KCNH7: variants seen among roughly 807,000 people sequenced by gnomAD.
KCNH7 encodes the protein voltage-gated inwardly rectifying potassium channel KCNH7.
KCNH7 carries 49 observed loss-of-function variants against 120.8 expected under a neutral mutation model. The observed-to-expected ratio is 0.41, with a 90% CI of 0.32 to 0.51. KCNH7 has a LOEUF of 0.51. KCNH7 is among the 20% of genes least tolerant of loss of function. KCNH7 has a pLI of 0.38. For missense variants in KCNH7, 1,097 were observed against 1,446.6 expected (o/e 0.76, Z 3.92); for synonymous variants, 547 against 516.1 (o/e 1.06, Z -0.81).
chr2:162,761,153 T>C (rs1688954316), intron 2 of KCNH7, among the ~76,000 whole-genome samples: 1 of 152,038 alleles, frequency 6.6e-6, no homozygotes, highest in Non-Finnish European at 1.5e-5. Context: ...CATCTACATT[T>C]CCCCCTACAT....
intron 6 of KCNH7, among the ~76,000 whole-genome samples, chr2:162,459,881 G>A (rs542769178): frequency 6.6e-6 from 1 of 151,938 alleles, no homozygotes; most frequent in Non-Finnish European, 1.5e-5. Context: ...AGATGACGAG[G>A]TCAAGAGATT....
At chr2:162,810,341 A>G (rs1320392598) in intron 2 of KCNH7, among the ~76,000 whole-genome samples, 1 of 152,202 alleles carries the variant, frequency 6.6e-6, no homozygotes, top group Non-Finnish European at 1.5e-5. Flanking sequence ...AGTTTATTAC[A>G]CTGGGGATAC....
chr2:162,394,167 G>A (rs985649650), intron 12 of KCNH7, among the ~76,000 whole-genome samples: 19 of 151,902 alleles, frequency 1.3e-4, no homozygotes, highest in Admixed American at 1.1e-3. Context: ...CTTAATCTGC[G>A]ATGTCCTTGT....
chr2:162,797,749 AG>A (rs1198814019), intron 2 of KCNH7: 1 of 152,078 alleles, frequency 6.6e-6, no homozygotes, highest in East Asian at 1.9e-4. Flanking sequence ...GCTGTAAGCC[AG>A]AAGCAAGTTC....
At chr2:162,488,167 C>CT (rs1367825529) in intron 6 of KCNH7, among the ~76,000 whole-genome samples, 1 of 152,192 alleles carries the variant, frequency 6.6e-6, no homozygotes, top group African/African-American at 2.4e-5. Context: ...TATCAACAAT[C>CT]TTTCCAAGGT....
At chr2:162,752,018 C>T (rs1020079661) in intron 2 of KCNH7, among the ~76,000 whole-genome samples, 1 of 151,988 alleles carries the variant, frequency 6.6e-6, no homozygotes, top group Non-Finnish European at 1.5e-5. Flanking sequence ...TGCTTGTTTT[C>T]CACTATGTAG....
intron 7 of KCNH7, among the ~76,000 whole-genome samples, chr2:162,440,731 T>A (rs1688391783): frequency 6.6e-6 from 1 of 152,092 alleles, no homozygotes; most frequent in South Asian, 2.1e-4. Flanking sequence ...CTCATTTCAA[T>A]ATTTAATAAC....
chr2:162,624,889 G>GTTTTTTTTTTTTT (rs66562676), intron 2 of KCNH7, among the ~76,000 whole-genome samples: 1 of 69,714 alleles, frequency 1.4e-5, no homozygotes, highest in Non-Finnish European at 2.4e-5. Context: ...TGCACTCTTG[G>GTTTTTTTTTTTTT]TTTTTTTTTT....
chr2:162,604,988 A>G (rs1266291937), intron 2 of KCNH7, among the ~76,000 whole-genome samples: 3 of 152,132 alleles, frequency 2.0e-5, no homozygotes, highest in African/African-American at 4.8e-5. Flanking sequence ...TTAATAGTAC[A>G]TTAGGGAAAA....
chr2:162,822,814 A>G (rs1685160156), intron 2 of KCNH7, among the ~76,000 whole-genome samples: 1 of 152,222 alleles, frequency 6.6e-6, no homozygotes, highest in African/African-American at 2.4e-5. Context: ...CATGGGAAAC[A>G]CAGGTATTAT....
At chr2:162,646,850 C>G (rs765382824) in intron 2 of KCNH7, among the ~76,000 whole-genome samples, 15 of 152,142 alleles carry the variant, frequency 9.9e-5, no homozygotes, top group Non-Finnish European at 2.2e-4. Flanking sequence ...AGGAAAGAGC[C>G]CAGGCTGGGT....
At chr2:162,805,510 A>G (rs950931849) in intron 2 of KCNH7, among the ~76,000 whole-genome samples, 6 of 152,190 alleles carry the variant, frequency 3.9e-5, no homozygotes, top group African/African-American at 1.2e-4. Flanking sequence ...CATCAGGGAA[A>G]TGCAAATTAA....
At chr2:162,681,862 T>C (rs1456958706) in intron 2 of KCNH7, among the ~76,000 whole-genome samples, 1 of 151,420 alleles carries the variant, frequency 6.6e-6, no homozygotes, top group African/African-American at 2.4e-5. Context: ...TTAACTTTCC[T>C]ATATGCATTT....
At position 162,396,754 on chromosome 2, in the gene KCNH7, G is replaced by T. The variant is rs758595045; in HGVS notation, c.2599C>A (p.His867Asn). Residue 867 changes from histidine to asparagine, a missense_variant, in exon 11 of 16, where the codon CAT becomes AAT. His to Asn is a moderately conservative substitution (Grantham distance 68). Transcript: ENST00000332142. Reference sequence around the variant, plus strand: ...TTAACATATACCTTTGCGCTCTCATGCCTTAGGTTGAAAGTCAACTCTAGG... The same window carrying T: ...TTAACATATACCTTTGCGCTCTCATTCCTTAGGTTGAAAGTCAACTCTAGG... ...TNLELTFNLR[H>N]ESAKADLLRS... The T allele has an allele frequency of 6.2e-7, 1 of 1,609,968 alleles. No individual in the cohort carries two copies. Among genetic ancestry groups the T allele is most frequent in the Admixed American group, 1.7e-5 (1 of 59,736 alleles).
intron 2 of KCNH7, among the ~76,000 whole-genome samples, chr2:162,748,895 TTTCC>T (rs1165731978): frequency 0.012 from 830 of 66,890 alleles, 45 homozygotes; most frequent in East Asian, 0.087. Flanking sequence ...CCCTCCCTTC[TTTCC>T]TTCCTTCCTT....
chr2:162,539,565 T>G (rs1486539398), intron 2 of KCNH7, among the ~76,000 whole-genome samples: 1 of 151,972 alleles, frequency 6.6e-6, no homozygotes. Flanking sequence ...AATCAGTAAA[T>G]TTTCTGATTT....
At chr2:162,682,226 T>C (rs774155919) in intron 2 of KCNH7, among the ~76,000 whole-genome samples, 4 of 151,710 alleles carry the variant, frequency 2.6e-5, no homozygotes, top group Non-Finnish European at 5.9e-5. Context: ...TGTATCTGAA[T>C]GTCCATAGGT....
At chr2:162,518,210 G>A (rs2105785995) in intron 3 of KCNH7, 52 bp from the exon 4 acceptor site, 1 of 1,328,298 alleles carries the variant, frequency 7.5e-7, no homozygotes, top group Non-Finnish European at 1.0e-6. Flanking sequence ...GATATATCCT[G>A]TAACAAAAAC....
chr2:162,476,523 T>G (rs1317140677), intron 6 of KCNH7, among the ~76,000 whole-genome samples: 4 of 152,226 alleles, frequency 2.6e-5, no homozygotes, highest in Non-Finnish European at 4.4e-5. Flanking sequence ...GTTATGAATC[T>G]GAAACTAATG....
Sources: gnomAD v4.1 joint callset for allele counts (sites outside exome capture counted in the v4.1 genomes callset) on GRCh38, gnomAD v4.1.1 for gene constraint, MANE v1.5 for transcripts, NCBI Gene and HGNC (gene_info 2026-07-23, HGNC 2026-07-21) for gene names.